The following CERS6 variants were observed in gnomAD, a reference collection of about 807,000 sequenced individuals.
CERS6 encodes LAG1 homolog, ceramide synthase 6.
Under a neutral mutation model 56.8 loss-of-function variants are expected in CERS6, and 26 were observed. The ratio of observed to expected loss-of-function variants is 0.46; its 90% CI spans 0.34 to 0.63. The LOEUF is 0.63. Among genes scored for constraint, CERS6 ranks in the 30% least tolerant of loss-of-function variants. CERS6 has a pLI of 0.01. For synonymous variants in CERS6, 164 were observed against 173.3 expected, an observed-to-expected ratio of 0.95 and a Z score of 0.42; for missense variants, 415 against 467.5, an observed-to-expected ratio of 0.89 and a Z score of 1.04.
chr2:168,459,052 A>G (rs909145194), intron 1 of CERS6, among the ~76,000 whole-genome samples: 2 of 152,234 alleles, frequency 1.3e-5, no homozygotes, highest in Non-Finnish European at 2.9e-5. Flanking sequence ...GCAGTATTCT[A>G]TAATGTATAC....
rs992288241 is a variant in CERS6 at position 168,569,412 on chromosome 2, C to T, written c.407+8090C>T. ...GGTGGCAGTGAGTTACTGTGAAGTGCTGGAAGGAGGAAGATCTGAAATCAG... is the reference window on the plus strand; with the variant it reads ...GGTGGCAGTGAGTTACTGTGAAGTGTTGGAAGGAGGAAGATCTGAAATCAG... On this transcript the variant is annotated intron_variant, in intron 3 of 9. Coordinates refer to ENST00000305747, the MANE Select transcript of CERS6 (RefSeq NM_203463.3). Among the ~76,000 whole-genome samples, 4 of 152,196 alleles carry T rather than the reference C, an allele frequency of 2.6e-5. No homozygotes were observed. In the East Asian group the frequency reaches 5.8e-4, roughly 22 times the overall value.
intron 1 of CERS6, among the ~76,000 whole-genome samples, chr2:168,528,125 G>A (rs1163785691): frequency 1.3e-5 from 2 of 152,036 alleles, no homozygotes; most frequent in East Asian, 1.9e-4. Flanking sequence ...GTTCCATTGG[G>A]GATTGTGTTT....
At chr2:168,604,855 A>G (rs1684016879) in intron 3 of CERS6, among the ~76,000 whole-genome samples, 1 of 152,154 alleles carries the variant, frequency 6.6e-6, no homozygotes, top group African/African-American at 2.4e-5. Flanking sequence ...TCTTTTCTTT[A>G]TAAATTACTC....
intron 2 of CERS6, among the ~76,000 whole-genome samples, chr2:168,555,644 C>G (rs1487014509): frequency 6.7e-6 from 1 of 149,784 alleles, no homozygotes; most frequent in African/African-American, 2.5e-5. Flanking sequence ...ACCACAGAAA[C>G]AGGAAAATTA....
At chr2:168,597,788 G>A (rs1304447088) in intron 3 of CERS6, among the ~76,000 whole-genome samples, 1 of 152,204 alleles carries the variant, frequency 6.6e-6, no homozygotes, top group African/African-American at 2.4e-5. Context: ...TTCAAAGCCT[G>A]TATTTGCACC....
chr2:168,596,333 C>T (rs143382349), intron 3 of CERS6, among the ~76,000 whole-genome samples: 1,456 of 134,450 alleles, frequency 0.011, 10 homozygotes, highest in Middle Eastern at 0.028. Flanking sequence ...TGTGTGTGGG[C>T]GGGGGATTGG....
At chr2:168,493,627 G>A (rs565743276) in intron 1 of CERS6, among the ~76,000 whole-genome samples, 13 of 152,096 alleles carry the variant, frequency 8.5e-5, no homozygotes, top group Non-Finnish European at 1.9e-4. Flanking sequence ...ATGTAATATG[G>A]CCTTCAGATC....
At chr2:168,473,733 T>TA (rs140676261) in intron 1 of CERS6, among the ~76,000 whole-genome samples, 2,673 of 152,126 alleles carry the variant, frequency 0.018, 76 homozygotes, top group African/African-American at 0.061. Context: ...ACGAAAAAAA[T>TA]AAAAAAATAA....
rs112690563 is a variant in CERS6, at chr2:168,715,890, G to A, written c.738+761G>A. ...TACCTTATAAGAGTACAAAGCCTAT[G>A]TAGAAATGGTTCTTACAATCTGATC... On this transcript the variant is annotated intron_variant, in intron 7 of 9. Coordinates refer to ENST00000305747, the MANE Select transcript of CERS6 (RefSeq NM_203463.3). 3.0e-3 allele frequency among the ~76,000 whole-genome samples: 457 copies of A among 152,172 alleles called. 4 individuals are homozygous for A. Among genetic ancestry groups the A allele is most frequent in the African/African-American group, 0.01 (426 of 41,552 alleles).
intron 3 of CERS6, among the ~76,000 whole-genome samples, chr2:168,626,054 G>A (rs1684583529): frequency 6.6e-6 from 1 of 152,088 alleles, no homozygotes; most frequent in Non-Finnish European, 1.5e-5. Context: ...GAACCAAACA[G>A]CCTAGTTTCC....
chr2:168,753,977 T>C (rs1684350432), intron 8 of CERS6, among the ~76,000 whole-genome samples: 1 of 152,150 alleles, frequency 6.6e-6, no homozygotes, highest in East Asian at 1.9e-4. Flanking sequence ...TGTGTGCAAA[T>C]GGAAGGAGTT....
chr2:168,608,096 G>A (rs998740811), intron 3 of CERS6, among the ~76,000 whole-genome samples: 21 of 152,108 alleles, frequency 1.4e-4, no homozygotes, highest in Non-Finnish European at 1.9e-4. Context: ...ATTTTCTGTC[G>A]CAATAGATTT....
rs549865136 is a variant in CERS6 at position 168,773,757 on chromosome 2, A to G, written c.*4095A>G. Reference sequence around the variant, plus strand: ...GTAAAATGAAATTGTGCCATTGTCAAAGTACCCCGTAGTGATGAGCACTGA... The same window carrying G: ...GTAAAATGAAATTGTGCCATTGTCAGAGTACCCCGTAGTGATGAGCACTGA... On this transcript the variant is annotated 3_prime_UTR_variant, in exon 10 of 10. Transcript: ENST00000305747. The G allele has an allele frequency of 7.9e-5, 12 of 152,306 alleles. No homozygotes were observed. Among genetic ancestry groups the G allele is most frequent in the African/African-American group, 2.4e-4 (10 of 41,556 alleles). 9.4% of individuals were successfully genotyped at this position (152,306 alleles called of 1,614,324 possible).
chr2:168,725,239 G>A (rs1031220246), intron 8 of CERS6, among the ~76,000 whole-genome samples: 1 of 152,270 alleles, frequency 6.6e-6, no homozygotes, highest in Admixed American at 6.5e-5. Context: ...CAGCTGGCCT[G>A]CAAGCGCTGC....
At chr2:168,564,329 A>G (rs1029750843) in intron 3 of CERS6, among the ~76,000 whole-genome samples, 14 of 152,220 alleles carry the variant, frequency 9.2e-5, no homozygotes, top group Admixed American at 5.2e-4. Flanking sequence ...ACTCAAGTCA[A>G]TCAGCCACTG....
intron 4 of CERS6, among the ~76,000 whole-genome samples, chr2:168,637,273 C>T (rs1684881623): frequency 1.3e-5 from 2 of 152,030 alleles, no homozygotes; most frequent in South Asian, 4.1e-4. Context: ...GTCAGGAGTT[C>T]AAGACCAGCC....
At chr2:168,601,220 A>G (rs1206386896) in intron 3 of CERS6, among the ~76,000 whole-genome samples, 1 of 152,228 alleles carries the variant, frequency 6.6e-6, no homozygotes, top group Non-Finnish European at 1.5e-5. Context: ...CTAGAATTCC[A>G]TAAAAAATGT....
chr2:168,569,264 G>A (rs536685811), intron 3 of CERS6, among the ~76,000 whole-genome samples: 2 of 152,200 alleles, frequency 1.3e-5, no homozygotes, highest in South Asian at 2.1e-4. Context: ...CTACCCTTAT[G>A]ACCTAATTTA....
chr2:168,758,382 A>G (rs551300752), intron 8 of CERS6, among the ~76,000 whole-genome samples: 1 of 152,344 alleles, frequency 6.6e-6, no homozygotes, highest in Non-Finnish European at 1.5e-5. Context: ...TCCTTAGAGA[A>G]GAAATCTTGG....
Sources: allele counts gnomAD v4.1 joint callset (sites outside exome capture counted in the v4.1 genomes callset), GRCh38; gene constraint gnomAD v4.1.1; transcripts MANE v1.5; gene names NCBI Gene and HGNC (gene_info 2026-07-23, HGNC 2026-07-21).